BABAM2: variants seen among roughly 807,000 people sequenced by gnomAD.
The protein encoded by BABAM2 is BRISC and BRCA1 A complex member 2.
BABAM2 carries 31 observed loss-of-function variants against 54.7 expected under a neutral mutation model. The observed-to-expected ratio is 0.57, with a 90% confidence interval of 0.43 to 0.77. The LOEUF (loss-of-function observed/expected upper bound fraction) is 0.77, where lower values mean the gene tolerates loss of function less well. Ranked by LOEUF, BABAM2 falls within the 30% of genes least tolerant of loss-of-function variation. BABAM2 has a pLI of 0.00. For missense variants in BABAM2, 364 were observed against 455.8 expected (o/e 0.80, Z 1.83); for synonymous variants, 167 against 162.9 (o/e 1.03, Z -0.19).
intron 6 of BABAM2, among the ~76,000 whole-genome samples, chr2:28,055,905 A>G (rs1678366389): frequency 6.6e-6 from 1 of 152,262 alleles, no homozygotes; most frequent in Non-Finnish European, 1.5e-5. Flanking sequence ...AATATTATTC[A>G]GTCCTAAAAA....
chr2:28,099,306 C>G (rs1263911588), intron 6 of BABAM2, among the ~76,000 whole-genome samples: 2 of 151,926 alleles, frequency 1.3e-5, no homozygotes, highest in African/African-American at 2.4e-5. Context: ...GTTTCTGTGC[C>G]CAGAAGGCCA....
chr2:28,141,116 C>T (rs1671013409), intron 7 of BABAM2, among the ~76,000 whole-genome samples: 1 of 152,154 alleles, frequency 6.6e-6, no homozygotes, highest in South Asian at 2.1e-4. Flanking sequence ...GCCCCACCTC[C>T]TAATACTATT....
intron 10 of BABAM2, among the ~76,000 whole-genome samples, chr2:28,281,079 T>G (rs1357244392): frequency 6.6e-6 from 1 of 152,220 alleles, no homozygotes; most frequent in African/African-American, 2.4e-5. Context: ...TCTGTGTATA[T>G]GAACTTCAAC....
intron 6 of BABAM2, among the ~76,000 whole-genome samples, chr2:28,081,249 T>A (rs2148673439): frequency 1.3e-5 from 2 of 152,332 alleles, no homozygotes; most frequent in Non-Finnish European, 2.9e-5. Context: ...GCAAAGCGCC[T>A]GCATGTGCTT....
At chr2:28,256,562 T>G (rs895236695) in intron 10 of BABAM2, among the ~76,000 whole-genome samples, 1 of 152,194 alleles carries the variant, frequency 6.6e-6, no homozygotes, top group Non-Finnish European at 1.5e-5. Context: ...CTGAAAACTC[T>G]TATCATTTAC....
intron 7 of BABAM2, among the ~76,000 whole-genome samples, chr2:28,162,147 G>A (rs1237917025): frequency 6.6e-6 from 1 of 152,114 alleles, no homozygotes; most frequent in African/African-American, 2.4e-5. Context: ...AAATTATTTA[G>A]AAACTTGAAA....
intron 11 of BABAM2, among the ~76,000 whole-genome samples, chr2:28,315,248 G>GTTTA (rs905721402): frequency 6.6e-6 from 1 of 152,048 alleles, no homozygotes; most frequent in African/African-American, 2.4e-5. Flanking sequence ...TTGTTTGTTT[G>GTTTA]TTTGTTTGTT....
intron 4 of BABAM2, among the ~76,000 whole-genome samples, chr2:28,010,023 T>C (rs1674277240): frequency 6.6e-6 from 1 of 152,178 alleles, no homozygotes; most frequent in Admixed American, 6.5e-5. Context: ...AGCTCAGTGC[T>C]AAAGAAGGAC....
chr2:28,045,064 A>G (rs1677455133), intron 5 of BABAM2, among the ~76,000 whole-genome samples: 1 of 152,180 alleles, frequency 6.6e-6, no homozygotes, highest in Admixed American at 6.5e-5. Context: ...TTTTTCTTTT[A>G]AATGAGTTTT....
chr2:28,112,129 C>CTTTCT (rs1668101209), intron 6 of BABAM2, among the ~76,000 whole-genome samples: 1 of 15,594 alleles, frequency 6.4e-5, no homozygotes, highest in African/African-American at 2.8e-4. Context: ...TTCTTTCTTT[C>CTTTCT]TTTCTTTCTT....
At chr2:28,271,460 C>T (rs1354857775) in intron 10 of BABAM2, among the ~76,000 whole-genome samples, 1 of 152,152 alleles carries the variant, frequency 6.6e-6, no homozygotes, top group Non-Finnish European at 1.5e-5. Context: ...ATTCCAGTGA[C>T]ATGACTCTGT....
intron 4 of BABAM2, among the ~76,000 whole-genome samples, chr2:28,021,266 C>T (rs1483981893): frequency 6.6e-6 from 1 of 152,094 alleles, no homozygotes; most frequent in Non-Finnish European, 1.5e-5. Flanking sequence ...GGGAAGCATG[C>T]ACCATGGAAG....
intron 6 of BABAM2, among the ~76,000 whole-genome samples, chr2:28,056,012 T>C (rs1678374888): frequency 6.6e-6 from 1 of 152,134 alleles, no homozygotes; most frequent in African/African-American, 2.4e-5. Flanking sequence ...TATTGCATGA[T>C]CTCGCTTGTA....
intron 3 of BABAM2, among the ~76,000 whole-genome samples, chr2:27,943,743 T>C (rs1427326069): frequency 6.6e-6 from 1 of 152,218 alleles, no homozygotes; most frequent in Non-Finnish European, 1.5e-5. Flanking sequence ...ATTTTTGTCT[T>C]TTAAAAAGAT....
intron 3 of BABAM2, among the ~76,000 whole-genome samples, chr2:27,970,896 A>T (rs1029590285): frequency 1.3e-5 from 2 of 152,064 alleles, no homozygotes; most frequent in South Asian, 2.1e-4. Flanking sequence ...TTGTTTTGTA[A>T]CATATCCCAC....
In BABAM2 at chr2:27,976,479, C is replaced by T. The variant is rs115763681; in HGVS notation, c.206-11514C>T. Among the ~76,000 whole-genome samples the T allele has an allele frequency of 5.2e-3, 795 of 152,174 alleles. 6 individuals carry two copies. Among genetic ancestry groups the T allele is most frequent in the African/African-American group, 0.018 (750 of 41,532 alleles). Reference sequence around the variant, plus strand: ...TCAAAAGGTTACATACTGCATGATTCCATTTATATGGCATTCTGGAAAAAT... The same window carrying T: ...TCAAAAGGTTACATACTGCATGATTTCATTTATATGGCATTCTGGAAAAAT... On this transcript the variant is annotated intron_variant, in intron 3 of 11. Transcript: ENST00000379624.
At chr2:28,060,259 C>A (rs970715978) in intron 6 of BABAM2, among the ~76,000 whole-genome samples, 1 of 152,052 alleles carries the variant, frequency 6.6e-6, no homozygotes, top group African/African-American at 2.4e-5. Flanking sequence ...ATGTGATTAT[C>A]TCAATAGACA....
chr2:28,009,696 C>T (rs779881494), intron 4 of BABAM2, among the ~76,000 whole-genome samples: 3 of 152,156 alleles, frequency 2.0e-5, no homozygotes, highest in Middle Eastern at 3.4e-3. Context: ...GGGCTAGAGA[C>T]GGATGGCAGT....
chr2:28,003,157 T>C (rs1452814126), intron 4 of BABAM2, among the ~76,000 whole-genome samples: 2 of 152,148 alleles, frequency 1.3e-5, no homozygotes, highest in South Asian at 2.1e-4. Context: ...TGAGTGACTG[T>C]AGGGTGAAAA....
Sources: gnomAD v4.1 joint callset for allele counts (sites outside exome capture counted in the v4.1 genomes callset) on GRCh38, gnomAD v4.1.1 for gene constraint, MANE v1.5 for transcripts, NCBI Gene and HGNC (gene_info 2026-07-23, HGNC 2026-07-21) for gene names.